RAB6B: variants seen among roughly 807,000 people sequenced by gnomAD.
The protein encoded by RAB6B is RAB6B, member RAS oncogene family.
A neutral mutation model predicts 31.2 loss-of-function variants in RAB6B; 7 were observed. The observed-to-expected ratio is 0.22, with a 90% CI of 0.13 to 0.42. The LOEUF (loss-of-function observed/expected upper bound fraction) is 0.42. RAB6B is among the 10% of genes least tolerant of loss of function. The probability of loss-of-function intolerance (pLI) is 1.00; values close to 1 mark genes in which losing one functional copy is unlikely to be tolerated. For synonymous variants in RAB6B, 105 were observed against 104.9 expected (o/e 1.00, Z -0.01); for missense variants, 149 against 280.6 (o/e 0.53, Z 3.35).
At chr3:133,878,768 C>T (rs546852558) in intron 1 of RAB6B, among the ~76,000 whole-genome samples, 8 of 152,166 alleles carry the variant, frequency 5.3e-5, no homozygotes, top group South Asian at 4.2e-4. Flanking sequence ...CTATGCAAAC[C>T]GGAAGAAAAT....
chr3:133,883,580 T>C (rs1936498168), intron 1 of RAB6B, among the ~76,000 whole-genome samples: 1 of 151,032 alleles, frequency 6.6e-6, no homozygotes, highest in Non-Finnish European at 1.5e-5. Context: ...AGCACTTCTA[T>C]GGATCTCTCT....
intron 2 of RAB6B, among the ~76,000 whole-genome samples, chr3:133,857,325 TAA>T (rs1470644011): frequency 6.8e-6 from 1 of 147,604 alleles, no homozygotes; most frequent in Non-Finnish European, 1.5e-5. Context: ...ATTTCCAGCT[TAA>T]AAAAAAGAGT....
chr3:133,857,628 G>A (rs1936100188), intron 2 of RAB6B, among the ~76,000 whole-genome samples: 1 of 152,130 alleles, frequency 6.6e-6, no homozygotes, highest in Non-Finnish European at 1.5e-5. Context: ...TTCCATTAGA[G>A]AAAACGCACC....
chr3:133,861,305 T>A (rs1262156071), intron 2 of RAB6B, among the ~76,000 whole-genome samples: 6 of 152,184 alleles, frequency 3.9e-5, no homozygotes, highest in African/African-American at 1.4e-4. Flanking sequence ...TGGATTTAGA[T>A]GAGGTGATGG....
At chr3:133,875,772 C>A (rs1359877885) in intron 1 of RAB6B, among the ~76,000 whole-genome samples, 2 of 152,276 alleles carry the variant, frequency 1.3e-5, no homozygotes, top group South Asian at 2.1e-4. Flanking sequence ...CCTGCTACAG[C>A]CAAGTCTGCT....
intron 6 of RAB6B, among the ~76,000 whole-genome samples, chr3:133,835,604 G>A (rs1421407929): frequency 6.6e-6 from 1 of 151,952 alleles, no homozygotes; most frequent in Non-Finnish European, 1.5e-5. Flanking sequence ...GAAGTATGAG[G>A]CACAGAAGAC....
intron 2 of RAB6B, among the ~76,000 whole-genome samples, chr3:133,844,992 A>G (rs904195682): frequency 1.3e-5 from 2 of 151,816 alleles, no homozygotes; most frequent in Admixed American, 1.3e-4. Context: ...CAAGGAATGG[A>G]AGAAAACTAG....
At chr3:133,836,975 C>T (rs1935745664) in intron 6 of RAB6B, among the ~76,000 whole-genome samples, 1 of 152,218 alleles carries the variant, frequency 6.6e-6, no homozygotes. Context: ...ATCCAGAAGG[C>T]CAGTGCTGTA....
At chr3:133,830,073 G>C (rs950382577) in intron 7 of RAB6B, among the ~76,000 whole-genome samples, 1 of 152,188 alleles carries the variant, frequency 6.6e-6, no homozygotes, top group Non-Finnish European at 1.5e-5. Flanking sequence ...CTCTACCCTA[G>C]TCAAGCAGCC....
intron 2 of RAB6B, among the ~76,000 whole-genome samples, chr3:133,850,512 C>T (rs1227060792): frequency 3.3e-5 from 5 of 151,882 alleles, no homozygotes; most frequent in Non-Finnish European, 7.4e-5. Flanking sequence ...AAGTAAAGAA[C>T]CAAATACAAA....
chr3:133,864,620 C>T lies in RAB6B; in HGVS notation c.93G>A (p.Thr31=), dbSNP rs369219557. 63 of 1,614,058 alleles carry T rather than the reference C, an allele frequency of 3.9e-5. No individual in the cohort carries two copies. Among genetic ancestry groups the T allele is most frequent in the Admixed American group, 1.3e-4 (8 of 60,012 alleles). The part of the protein sequence containing the change: ...EQSVGKTSLI[T]RFMYDSFDNT... ...TGTCGAAGCTGTCGTACATGAACCT[C>T]GTAATCAGAGACGTCTTCCCGACTG... The change falls in exon 2 of 8, where the codon ACG becomes ACA. Residue 31 remains threonine, a synonymous_variant. Coordinates refer to ENST00000285208, the MANE Select transcript of RAB6B (RefSeq NM_016577.4).
intron 1 of RAB6B, among the ~76,000 whole-genome samples, chr3:133,883,729 C>T (rs988991227): frequency 2.0e-5 from 3 of 152,256 alleles, no homozygotes; most frequent in Non-Finnish European, 2.9e-5. Flanking sequence ...CACTCACAGA[C>T]AGGGTCAGAA....
intron 2 of RAB6B, among the ~76,000 whole-genome samples, chr3:133,846,890 A>G (rs1302828188): frequency 2.0e-5 from 3 of 152,212 alleles, no homozygotes; most frequent in African/African-American, 4.8e-5. Context: ...GACAAAACAT[A>G]AACATTTTCA....
At chr3:133,835,065 G>T (rs1935713030) in intron 6 of RAB6B, among the ~76,000 whole-genome samples, 2 of 152,160 alleles carry the variant, frequency 1.3e-5, no homozygotes, top group African/African-American at 4.8e-5. Context: ...TGAGATGAAT[G>T]ACTCTGCTTG....
chr3:133,848,237 G>A (rs907212509), intron 2 of RAB6B, among the ~76,000 whole-genome samples: 5 of 152,206 alleles, frequency 3.3e-5, no homozygotes, highest in Admixed American at 6.5e-5. Context: ...AAGCCCTCCT[G>A]AGTTGCTCCT....
At chr3:133,880,344 T>C (rs1228451709) in intron 1 of RAB6B, among the ~76,000 whole-genome samples, 1 of 152,178 alleles carries the variant, frequency 6.6e-6, no homozygotes, top group East Asian at 1.9e-4. Context: ...AACAGAGTAT[T>C]GAGAGCGAAA....
chr3:133,834,440 G>C lies in RAB6B; in HGVS notation c.562+135C>G, dbSNP rs972833912. ...GTTCAGCTGCATCCCGCCTAGAGGA[G>C]GCCCCGTGCCATTCGCGGCAGACCA... On this transcript the variant is annotated intron_variant, in intron 7 of 7. Transcript: ENST00000285208. 3 of 913,468 alleles carry C rather than the reference G, an allele frequency of 3.3e-6. No individual in the cohort carries two copies. In the African/African-American group the frequency reaches 4.9e-5, roughly 15 times the overall value. 56.6% of individuals were successfully genotyped at this position (913,468 alleles called of 1,614,324 possible).
intron 7 of RAB6B, among the ~76,000 whole-genome samples, chr3:133,833,000 A>C (rs1935677670): frequency 6.6e-6 from 1 of 151,930 alleles, no homozygotes; most frequent in Non-Finnish European, 1.5e-5. Context: ...AACGATCACC[A>C]CTCACCCCGG....
At chr3:133,834,667 G>A (rs368846697) in intron 6 of RAB6B, 26 bp from the exon 7 acceptor site, 32 of 1,610,036 alleles carry the variant, frequency 2.0e-5, no homozygotes, top group African/African-American at 1.6e-4. Context: ...AATGCAGTGT[G>A]AACCCCAACC....
Sources: gnomAD v4.1 joint callset for allele counts (sites outside exome capture counted in the v4.1 genomes callset) on GRCh38, gnomAD v4.1.1 for gene constraint, MANE v1.5 for transcripts, NCBI Gene and HGNC (gene_info 2026-07-23, HGNC 2026-07-21) for gene names.